Variants in SH3PXD2A observed in about 807,000 individuals in gnomAD.
SH3PXD2A encodes SH3 and PX domain-containing protein 2A.
Under a neutral mutation model 115.2 loss-of-function variants are expected in SH3PXD2A, and 32 were observed. That is an observed-to-expected ratio of 0.28 (90% CI 0.21 to 0.37). SH3PXD2A has a LOEUF of 0.37. Ranked by LOEUF, SH3PXD2A falls within the 10% of genes least tolerant of loss-of-function variation. SH3PXD2A has a pLI of 1.00. For synonymous variants in SH3PXD2A, 610 were observed against 629.1 expected (o/e 0.97, Z 0.45); for missense variants, 1,328 against 1,498.7 (o/e 0.89, Z 1.88).
intron 7 of SH3PXD2A, chr10:103,661,562 C>T: frequency 1.3e-6 from 1 of 754,494 alleles, no homozygotes; most frequent in Non-Finnish European, 1.6e-6. Context: ...GGGTGGGCGG[C>T]CCATGAGGGC....
chr10:103,681,607 T>C (rs1431716248), intron 6 of SH3PXD2A, among the ~76,000 whole-genome samples: 1 of 152,080 alleles, frequency 6.6e-6, no homozygotes, highest in Non-Finnish European at 1.5e-5. Flanking sequence ...AGCCAGGTGT[T>C]GTGGAGGGTA....
intron 6 of SH3PXD2A, among the ~76,000 whole-genome samples, chr10:103,681,297 A>T (rs1047845573): frequency 9.9e-5 from 15 of 152,080 alleles, no homozygotes; most frequent in Admixed American, 2.6e-4. Flanking sequence ...GAGACAACTG[A>T]ATGTTCTTCA....
intron 5 of SH3PXD2A, among the ~76,000 whole-genome samples, chr10:103,721,251 C>T (rs973199781): frequency 6.6e-6 from 1 of 152,212 alleles, no homozygotes; most frequent in African/African-American, 2.4e-5. Context: ...TCTTGACCAG[C>T]TCGTGAGTTC....
At chr10:103,741,743 G>C in intron 3 of SH3PXD2A, among the ~76,000 whole-genome samples, 1 of 152,336 alleles carries the variant, frequency 6.6e-6, no homozygotes, top group South Asian at 2.1e-4. Context: ...GTGCTCCAAG[G>C]ACAGCCCTCC....
chr10:103,693,223 C>T, intron 5 of SH3PXD2A, 167 bp from the exon 6 acceptor site: 1 of 169,386 alleles, frequency 5.9e-6, no homozygotes, highest in Non-Finnish European at 1.2e-5. Context: ...GCACTGCGCG[C>T]CGCGCCCGCC....
chr10:103,731,607 A>C (rs74157311), intron 4 of SH3PXD2A, among the ~76,000 whole-genome samples: 4,742 of 152,242 alleles, frequency 0.031, 231 homozygotes, highest in African/African-American at 0.1. Flanking sequence ...CTCAGGAGGC[A>C]CCTCATGAAT....
In SH3PXD2A at chr10:103,595,601, G is replaced by A. The variant is rs2036121225; in HGVS notation, c.*6215C>T. The A allele has an allele frequency of 6.6e-6, 1 of 152,338 alleles. No individual in the cohort carries two copies. Among genetic ancestry groups the A allele is most frequent in the Admixed American group, 6.5e-5 (1 of 15,286 alleles). 9.4% of individuals were successfully genotyped at this position (152,338 alleles called of 1,614,324 possible). On this transcript the variant is annotated 3_prime_UTR_variant, in exon 15 of 15. Coordinates refer to ENST00000369774, the MANE Select transcript of SH3PXD2A (RefSeq NM_001394015.1). The stretch of plus-strand genomic sequence containing the variant: ...TTTCTCTTTCACCTCTTGAGGCGCA[G>A]CCTATTGGCCAGGATGGAACTGGGA...
At chr10:103,748,090 G>A (rs778454166) in intron 3 of SH3PXD2A, among the ~76,000 whole-genome samples, 8 of 152,198 alleles carry the variant, frequency 5.3e-5, no homozygotes, top group Non-Finnish European at 8.8e-5. Context: ...TTAAGAGGAC[G>A]TAACATTCAT....
At chr10:103,638,388 C>G (rs1476816022) in intron 8 of SH3PXD2A, among the ~76,000 whole-genome samples, 1 of 152,240 alleles carries the variant, frequency 6.6e-6, no homozygotes, top group African/African-American at 2.4e-5. Flanking sequence ...GGCCCAGAAG[C>G]CAGTGCTAGG....
chr10:103,774,929 C>T lies in SH3PXD2A; in HGVS notation c.154-7760G>A, dbSNP rs560507789. The stretch of plus-strand genomic sequence containing the variant: ...CTAAAGTGCCGCCCTTCCGGTGTCC[C>T]AGCTGGACGCCTGGAGTGTTATGCA... On this transcript the variant is annotated intron_variant, in intron 2 of 14. Transcript: ENST00000369774. Among the ~76,000 whole-genome samples, 29 of 152,294 alleles carry T rather than the reference C, an allele frequency of 1.9e-4. No homozygotes were observed. The South Asian group carries it at 5.8e-3, about 30-fold the overall frequency.
intron 3 of SH3PXD2A, among the ~76,000 whole-genome samples, chr10:103,752,016 GC>G (rs1162516608): frequency 2.0e-5 from 3 of 152,148 alleles, no homozygotes; most frequent in Non-Finnish European, 4.4e-5. Context: ...CTGATTCCCC[GC>G]CTCCCAAACC....
chr10:103,718,934 A>G (rs1292923273), intron 5 of SH3PXD2A, among the ~76,000 whole-genome samples: 4 of 152,194 alleles, frequency 2.6e-5, no homozygotes, highest in African/African-American at 4.8e-5. Context: ...GGCTATGGTC[A>G]TTAGCCTCAT....
intron 6 of SH3PXD2A, chr10:103,678,270 CT>C: frequency 1.7e-6 from 1 of 590,596 alleles, no homozygotes; most frequent in Non-Finnish European, 2.8e-6. Flanking sequence ...GACCAATCCC[CT>C]GAGCGCTGAG....
chr10:103,772,343 G>C (rs901453729), intron 2 of SH3PXD2A, among the ~76,000 whole-genome samples: 5 of 152,212 alleles, frequency 3.3e-5, no homozygotes, highest in Non-Finnish European at 7.3e-5. Context: ...CTGCTGCCCC[G>C]CCCTCTGGGA....
intron 7 of SH3PXD2A, among the ~76,000 whole-genome samples, chr10:103,661,391 AGCGGAG>A (rs1564857027): frequency 6.6e-6 from 1 of 152,200 alleles, no homozygotes; most frequent in Non-Finnish European, 1.5e-5. Context: ...AGAGAGGCAG[AGCGGAG>A]GCGGAGGCCA....
In SH3PXD2A at chr10:103,603,160, G is replaced by A; in HGVS notation, c.2058C>T (p.Ser686=). 2 of 1,613,882 alleles carry A rather than the reference G, an allele frequency of 1.2e-6. No individual in the cohort carries two copies. Among genetic ancestry groups the A allele is most frequent in the Non-Finnish European group, 1.7e-6 (2 of 1,180,022 alleles). Reference sequence around the variant, plus strand: ...TGATGGATGAGGAAAAGGAGGCTGAGGAGTGGTTCTTCCCCATTTCTGCCT... The same window carrying A: ...TGATGGATGAGGAAAAGGAGGCTGAAGAGTGGTTCTTCCCCATTTCTGCCT... ...NAQAEMGKNH[S]SASFSSSITI... is the part of the protein sequence containing the mutation. The change falls in exon 15 of 15, where the codon TCC becomes TCT. Residue 686 remains serine, a synonymous_variant. Coordinates refer to ENST00000369774, the MANE Select transcript of SH3PXD2A (RefSeq NM_001394015.1).
chr10:103,644,868 T>G (rs1056868028), intron 8 of SH3PXD2A, among the ~76,000 whole-genome samples: 10 of 152,210 alleles, frequency 6.6e-5, no homozygotes, highest in Admixed American at 5.9e-4. Context: ...AATGGCCACA[T>G]GCTGGCCACA....
At chr10:103,699,803 C>T (rs1334399043) in intron 5 of SH3PXD2A, among the ~76,000 whole-genome samples, 1 of 152,224 alleles carries the variant, frequency 6.6e-6, no homozygotes, top group African/African-American at 2.4e-5. Context: ...AGAATCTGTC[C>T]TTTCTCCGCA....
At position 103,598,860 on chromosome 10, in the gene SH3PXD2A, C is replaced by T. The variant is rs1285740685; in HGVS notation, c.*2956G>A. ...CCTTCTTGCTTCAAGTATTAATATT[C>T]TCTTTGGGTTTGCAGGGTTTGTGCT... On this transcript the variant is annotated 3_prime_UTR_variant, in exon 15 of 15. Transcript: ENST00000369774. 1 of 152,572 alleles carries T rather than the reference C, an allele frequency of 6.6e-6. No homozygotes were observed. Among genetic ancestry groups the T allele is most frequent in the African/African-American group, 2.4e-5 (1 of 41,428 alleles). The allele number at this position is 152,572 out of a possible 1,614,324, so 9.5% of individuals were successfully genotyped here.
Sources: allele counts gnomAD v4.1 joint callset (sites outside exome capture counted in the v4.1 genomes callset), GRCh38; gene constraint gnomAD v4.1.1; transcripts MANE v1.5; gene names NCBI Gene and HGNC (gene_info 2026-07-23, HGNC 2026-07-21).